The following MTAP variants were observed in gnomAD, a reference collection of about 807,000 sequenced individuals.
MTAP encodes the protein S-methyl-5'-thioadenosine phosphorylase.
In MTAP, 33 loss-of-function variants were observed where a neutral mutation model predicts 33.6. The ratio of observed to expected loss-of-function variants is 0.98; its 90% confidence interval spans 0.74 to 1.31. The LOEUF (loss-of-function observed/expected upper bound fraction) is 1.31. MTAP is among the 40% of genes most tolerant of loss of function. The pLI, the probability that MTAP is intolerant of heterozygous loss-of-function variation, is 0.00. For missense variants in MTAP, 367 were observed against 360.0 expected, an observed-to-expected ratio of 1.02 and a Z score of -0.16; for synonymous variants, 148 against 125.7, an observed-to-expected ratio of 1.18 and a Z score of -1.19.
downstream of MTAP, among the ~76,000 whole-genome samples, chr9:21,867,841 A>G (rs1825878781): frequency 6.6e-6 from 1 of 152,220 alleles, no homozygotes; most frequent in Admixed American, 6.5e-5. Flanking sequence ...TGGAACTGTT[A>G]TAGGCAAAAG....
At chr9:21,807,477 T>C (rs1034689978) in intron 1 of MTAP, among the ~76,000 whole-genome samples, 1 of 152,176 alleles carries the variant, frequency 6.6e-6, no homozygotes, top group Non-Finnish European at 1.5e-5. Context: ...CAAGGGCATT[T>C]TGGGCAGGAC....
At chr9:21,918,696 T>G (rs1818735297) in intron 1 of MTAP, among the ~76,000 whole-genome samples, 1 of 152,148 alleles carries the variant, frequency 6.6e-6, no homozygotes, top group African/African-American at 2.4e-5. Flanking sequence ...TCTCGTGCTG[T>G]TCTCGTGATA....
intron 1 of MTAP, chr9:21,892,105 A>G (rs1478391728): frequency 6.6e-6 from 1 of 152,246 alleles, no homozygotes; most frequent in African/African-American, 2.4e-5. Flanking sequence ...GACTTACCAT[A>G]CAAGTCCTAA....
chr9:21,877,168 A>G (rs969439855), intron 1 of MTAP, among the ~76,000 whole-genome samples: 10 of 151,878 alleles, frequency 6.6e-5, no homozygotes, highest in Non-Finnish European at 1.3e-4. Context: ...CTTGACTGTC[A>G]TTGGTGTATA....
chr9:21,919,848 T>A (rs926687599), intron 1 of MTAP, among the ~76,000 whole-genome samples: 3 of 152,058 alleles, frequency 2.0e-5, no homozygotes, highest in Non-Finnish European at 4.4e-5. Context: ...CCATTTCCTG[T>A]TTAGAAAAAA....
intron 1 of MTAP, among the ~76,000 whole-genome samples, chr9:21,876,587 G>A (rs1279203031): frequency 6.6e-6 from 1 of 152,262 alleles, no homozygotes; most frequent in South Asian, 2.1e-4. Context: ...CTATGCATAT[G>A]ACTAACCAGT....
rs1265148384 is a variant in MTAP at position 21,918,343 on chromosome 9, C to G, written c.148-12665C>G. Among the ~76,000 whole-genome samples the G allele has an allele frequency of 6.7e-5, 6 of 89,922 alleles. 1 individual carries two copies. Among genetic ancestry groups the G allele is most frequent in the African/African-American group, 4.7e-4 (6 of 12,690 alleles). The allele number at this position is 89,922 out of a possible 152,430, so 59.0% of individuals were successfully genotyped here. A position where few individuals can be genotyped will look rare whatever the true frequency, so the allele number is the denominator to read the frequency against. ...CCAGCCTGGGCGACAGAACGAGACT[C>G]CGTCTCAAAAAAAAAAAAAAAAAAA... On this transcript the variant is annotated intron_variant, in intron 1 of 1. Coordinates refer to the MTAP transcript ENST00000577563.
chr9:21,925,956 G>A (rs1396007649), intron 1 of MTAP, among the ~76,000 whole-genome samples: 2 of 152,204 alleles, frequency 1.3e-5, no homozygotes, highest in Non-Finnish European at 2.9e-5. Context: ...TGCTGCCTGT[G>A]AGGGGAGACT....
intron 1 of MTAP, among the ~76,000 whole-genome samples, chr9:21,903,516 C>T (rs1818424317): frequency 6.6e-6 from 1 of 151,910 alleles, no homozygotes; most frequent in Non-Finnish European, 1.5e-5. Flanking sequence ...CCCATAACAT[C>T]ATTAAAACCA....
chr9:21,840,019 G>A (rs933884022), intron 5 of MTAP, among the ~76,000 whole-genome samples: 5 of 152,190 alleles, frequency 3.3e-5, no homozygotes, highest in African/African-American at 1.2e-4. Context: ...GAGGTCAGGA[G>A]ATCAAGAACA....
At chr9:21,911,725 G>A (rs1172147279) in intron 1 of MTAP, among the ~76,000 whole-genome samples, 1 of 152,054 alleles carries the variant, frequency 6.6e-6, no homozygotes, top group African/African-American at 2.4e-5. Context: ...AAGAACTAGA[G>A]AAGGAAGAGC....
chr9:21,934,477 T>C (rs1819010609), downstream of MTAP: 1 of 152,202 alleles, frequency 6.6e-6, no homozygotes. This position sits in a 1 kb window ranked among gnomAD's most constrained non-coding sequence, Gnocchi z 5.0. Context: ...TTCAGAGTTG[T>C]CAACATTAAA....
intron 4 of MTAP, among the ~76,000 whole-genome samples, chr9:21,837,042 T>C (rs1341961301): frequency 6.6e-6 from 1 of 152,192 alleles, no homozygotes; most frequent in African/African-American, 2.4e-5. Flanking sequence ...TTTAGAATAA[T>C]TGAATGCACA....
intron 5 of MTAP, 126 bp downstream of exon 5, chr9:21,838,136 A>G (rs1825155702): frequency 4.4e-6 from 3 of 674,798 alleles, no homozygotes; most frequent in Non-Finnish European, 7.7e-6. Context: ...GTATTATGCA[A>G]AGTTTTATGA....
At chr9:21,939,810 G>A (rs1446805313), downstream of MTAP, among the ~76,000 whole-genome samples, 1 of 152,114 alleles carries the variant, frequency 6.6e-6, no homozygotes, top group Non-Finnish European at 1.5e-5. Flanking sequence ...TTGAACCTGG[G>A]AGGTGGAGGC....
intron 1 of MTAP, among the ~76,000 whole-genome samples, chr9:21,813,550 C>T (rs1824403499): frequency 6.6e-6 from 1 of 152,186 alleles, no homozygotes; most frequent in African/African-American, 2.4e-5. Context: ...GCAAGTTCAC[C>T]TAAACTCAGA....
At chr9:21,829,954 A>G (rs1824926228) in intron 4 of MTAP, among the ~76,000 whole-genome samples, 1 of 152,084 alleles carries the variant, frequency 6.6e-6, no homozygotes, top group Admixed American at 6.5e-5. Flanking sequence ...CTCATGCTAC[A>G]TTACAGCTGA....
chr9:21,923,039 C>G (rs371811216), intron 1 of MTAP, among the ~76,000 whole-genome samples: 1 of 152,330 alleles, frequency 6.6e-6, no homozygotes, highest in Non-Finnish European at 1.5e-5. Context: ...CACTGTCTAC[C>G]TCAGGGGCAA....
chr9:21,845,761 A>C (rs1825364705), intron 5 of MTAP, among the ~76,000 whole-genome samples: 1 of 152,164 alleles, frequency 6.6e-6, no homozygotes, highest in Non-Finnish European at 1.5e-5. Flanking sequence ...ATAAAAAAAA[A>C]AATCCTAAAA....
Sources: allele counts gnomAD v4.1 joint callset (sites outside exome capture counted in the v4.1 genomes callset), GRCh38; gene constraint gnomAD v4.1.1; non-coding constraint Gnocchi (gnomAD v3.1); transcripts MANE v1.5; gene names NCBI Gene and HGNC (gene_info 2026-07-23, HGNC 2026-07-21).